The following RNF2 variants were observed in gnomAD, a reference collection of about 807,000 sequenced individuals.
RNF2 encodes the protein E3 ubiquitin-protein ligase RING2.
Under a neutral mutation model 37.2 loss-of-function variants are expected in RNF2, and 6 were observed. That is an observed-to-expected ratio of 0.16 (90% CI 0.09 to 0.32). The LOEUF is 0.32. Ranked by LOEUF, RNF2 falls within the 10% of genes least tolerant of loss-of-function variation. The probability of loss-of-function intolerance (pLI) is 1.00; values close to 1 mark genes in which losing one functional copy is unlikely to be tolerated. For missense variants in RNF2, 251 were observed against 404.0 expected, an observed-to-expected ratio of 0.62 and a Z score of 3.25; for synonymous variants, 133 against 132.7, an observed-to-expected ratio of 1.00 and a Z score of -0.02.
At chr1:185,056,560 G>A (rs1650440765) in intron 1 of RNF2, among the ~76,000 whole-genome samples, 2 of 151,812 alleles carry the variant, frequency 1.3e-5, no homozygotes, top group African/African-American at 4.8e-5. Context: ...TTGTAGAGAC[G>A]GGGTTTAGCT....
intron 1 of RNF2, among the ~76,000 whole-genome samples, chr1:185,086,817 A>G (rs1651612642): frequency 6.6e-6 from 1 of 152,226 alleles, no homozygotes; most frequent in Non-Finnish European, 1.5e-5. Flanking sequence ...CTTGGACAGC[A>G]TTGGACTAGA....
intron 4 of RNF2, among the ~76,000 whole-genome samples, chr1:185,096,353 C>T (rs920663288): frequency 1.3e-5 from 2 of 151,958 alleles, no homozygotes; most frequent in African/African-American, 2.4e-5. Flanking sequence ...ACGATTGGCT[C>T]CTCAAAGCTG....
chr1:185,087,225 A>G (rs982176067), intron 1 of RNF2, among the ~76,000 whole-genome samples: 1 of 152,240 alleles, frequency 6.6e-6, no homozygotes, highest in South Asian at 2.1e-4. Context: ...ATAGAAATGT[A>G]TTACAGTTCT....
intron 1 of RNF2, chr1:185,071,445 A>G (rs1415654517): frequency 6.6e-6 from 1 of 152,192 alleles, no homozygotes; most frequent in Admixed American, 6.5e-5. Context: ...TGGTTGTGAA[A>G]TTACAGCTAT....
intron 1 of RNF2, among the ~76,000 whole-genome samples, chr1:185,074,832 A>AGG (rs1557966684): frequency 6.6e-6 from 1 of 152,150 alleles, no homozygotes; most frequent in Admixed American, 6.6e-5. Context: ...AGTACACAGG[A>AGG]GGAGGGTATG....
At chr1:185,062,953 C>T (rs992202466) in intron 1 of RNF2, among the ~76,000 whole-genome samples, 1 of 152,102 alleles carries the variant, frequency 6.6e-6, no homozygotes, top group Non-Finnish European at 1.5e-5. Flanking sequence ...AAATGTTGCT[C>T]TTCCCTAATT....
intron 1 of RNF2, among the ~76,000 whole-genome samples, chr1:185,077,997 G>A (rs913048728): frequency 6.6e-6 from 1 of 152,222 alleles, no homozygotes; most frequent in Non-Finnish European, 1.5e-5. Context: ...TGTAATCCCA[G>A]CACTTTGGGA....
At chr1:185,046,051 G>T (rs1650107518) in intron 1 of RNF2, 1 of 152,260 alleles carries the variant, frequency 6.6e-6, no homozygotes, top group African/African-American at 2.4e-5. Context: ...GAGGCGGACG[G>T]AGTGGAATGC....
intron 1 of RNF2, among the ~76,000 whole-genome samples, chr1:185,075,880 T>C (rs921273958): frequency 1.3e-5 from 2 of 152,240 alleles, no homozygotes; most frequent in Non-Finnish European, 2.9e-5. Context: ...TCTTAATCTT[T>C]GTCAATATCA....
At position 185,072,164 on chromosome 1, in the gene RNF2, G is replaced by A. The variant is rs189356187; in HGVS notation, c.-2-15388G>A. 198 of 152,546 alleles carry A rather than the reference G, an allele frequency of 1.3e-3. 1 individual carries two copies. The highest frequency in any genetic ancestry group is 2.3e-3 in the East Asian group (12 of 5,176). 9.4% of individuals were successfully genotyped at this position (152,546 alleles called of 1,614,324 possible). Reference sequence around the variant, plus strand: ...GGTAGCAGGGGGCTGACTCTGAGGTGCTGGCTAGGGTGGGGGTTCCAAGCA... The same window carrying A: ...GGTAGCAGGGGGCTGACTCTGAGGTACTGGCTAGGGTGGGGGTTCCAAGCA... On this transcript the variant is annotated intron_variant, in intron 1 of 6. Transcript: ENST00000367510.
intron 1 of RNF2, among the ~76,000 whole-genome samples, chr1:185,068,006 GC>G (rs1470839360): frequency 6.8e-5 from 2 of 29,250 alleles, no homozygotes; most frequent in African/African-American, 4.0e-4. Context: ...ACAGCGCCCG[GC>G]CTTTTTTTTT....
In RNF2 at chr1:185,102,106, G is replaced by C. The variant is rs1433350614; in HGVS notation, c.*1805G>C. 1 of 152,470 alleles carries C rather than the reference G, an allele frequency of 6.6e-6. No individual in the cohort carries two copies. The highest frequency in any genetic ancestry group is 1.5e-5 in the Non-Finnish European group (1 of 67,986). 9.4% of individuals were successfully genotyped at this position (152,470 alleles called of 1,614,324 possible). ...AGCAGAGAGTTATTTGTGACTATAA[G>C]CTTTGTGCTTAGAGAATGTATGTGT... On this transcript the variant is annotated 3_prime_UTR_variant, in exon 7 of 7. Transcript: ENST00000367510.
chr1:185,049,741 A>G lies in RNF2; in HGVS notation c.-3+4092A>G, dbSNP rs116430801. 5.9e-4 allele frequency among the ~76,000 whole-genome samples: 90 copies of G among 151,948 alleles called. 1 individual carries two copies. Among genetic ancestry groups the G allele is most frequent in the African/African-American group, 2.0e-3 (84 of 41,418 alleles). Reference sequence around the variant, plus strand: ...CCTAAGAGCTCAGAGAAGAGGTTCTATGGACCCGGTGCTGGACTTTTGAGT... The same window carrying G: ...CCTAAGAGCTCAGAGAAGAGGTTCTGTGGACCCGGTGCTGGACTTTTGAGT... On this transcript the variant is annotated intron_variant, in intron 1 of 6. Coordinates refer to ENST00000367510, the MANE Select transcript of RNF2 (RefSeq NM_007212.4).
At chr1:185,096,937 A>C (rs1651929772) in intron 4 of RNF2, among the ~76,000 whole-genome samples, 1 of 151,288 alleles carries the variant, frequency 6.6e-6, no homozygotes, top group Admixed American at 6.6e-5. Flanking sequence ...CAATATTCTT[A>C]CAAGTGCAAG....
chr1:185,056,528 TA>T (rs1220396559), intron 1 of RNF2, among the ~76,000 whole-genome samples: 1 of 151,926 alleles, frequency 6.6e-6, no homozygotes. Flanking sequence ...CTGGCTCATT[TA>T]TTTTTTTTTA....
intron 1 of RNF2, among the ~76,000 whole-genome samples, chr1:185,054,480 A>T (rs369213965): frequency 6.6e-6 from 1 of 152,072 alleles, no homozygotes; most frequent in Non-Finnish European, 1.5e-5. Flanking sequence ...TTCTTCTCCC[A>T]TCTGGGTCTC....
At chr1:185,076,089 T>C (rs1651142245) in intron 1 of RNF2, among the ~76,000 whole-genome samples, 2 of 151,892 alleles carry the variant, frequency 1.3e-5, no homozygotes, top group South Asian at 4.1e-4. Context: ...AATTTACATA[T>C]GTTGCACATA....
Position 185,086,516 on chromosome 1 carries a change from A to G in RNF2, c.-2-1036A>G, listed in dbSNP as rs186743668. 2.5e-4 allele frequency among the ~76,000 whole-genome samples: 38 copies of G among 152,342 alleles called. No individual in the cohort carries two copies. The East Asian group carries it at 6.4e-3, about 26-fold the overall frequency. ...GTGAGGAGACTTTGAAATGATGTCAAATGGGGAACAATAGGAGGAACTAGG... is the reference window on the plus strand; with the variant it reads ...GTGAGGAGACTTTGAAATGATGTCAGATGGGGAACAATAGGAGGAACTAGG... On this transcript the variant is annotated intron_variant, in intron 1 of 6. Coordinates refer to ENST00000367510, the MANE Select transcript of RNF2 (RefSeq NM_007212.4).
chr1:185,093,493 T>C (rs1327999419), intron 4 of RNF2, among the ~76,000 whole-genome samples: 1 of 152,212 alleles, frequency 6.6e-6, no homozygotes, highest in East Asian at 1.9e-4. Context: ...ACTTATTCTA[T>C]TTCTTCTCTT....
Sources: allele counts gnomAD v4.1 joint callset (sites outside exome capture counted in the v4.1 genomes callset), GRCh38; gene constraint gnomAD v4.1.1; transcripts MANE v1.5; gene names NCBI Gene and HGNC (gene_info 2026-07-23, HGNC 2026-07-21).